Variants in ELP3 observed in about 807,000 individuals in gnomAD.
ELP3 encodes the protein elongator complex protein 3.
In ELP3, 56 loss-of-function variants were observed where a neutral mutation model predicts 74.9. The ratio of observed to expected loss-of-function variants is 0.75; its 90% CI spans 0.60 to 0.93. The LOEUF (loss-of-function observed/expected upper bound fraction) is 0.93, where lower values mean the gene tolerates loss of function less well. Among genes scored for constraint, ELP3 ranks in the 40% least tolerant of loss-of-function variants. The pLI is 0.00. For synonymous variants in ELP3, 222 were observed against 239.8 expected (o/e 0.93, Z 0.68); for missense variants, 573 against 686.5 (o/e 0.83, Z 1.85).
Position 28,127,636 on chromosome 8 carries a change from G to A in ELP3, c.618-1866G>A, listed in dbSNP as rs145446790. Among the ~76,000 whole-genome samples, 362 of 152,164 alleles carry A rather than the reference G, an allele frequency of 2.4e-3. 11 individuals are homozygous for A. The highest frequency in any genetic ancestry group is 0.021 in the Admixed American group (322 of 15,280). ...CTGTGGCATCATGTACTGTTACTGC[G>A]TGCCTTAGTACCCACCTGTTTAAGA... On this transcript the variant is annotated intron_variant, in intron 7 of 14. Coordinates refer to ENST00000256398, the MANE Select transcript of ELP3 (RefSeq NM_018091.6).
chr8:28,159,250 C>T (rs1272604487), intron 12 of ELP3, among the ~76,000 whole-genome samples: 1 of 152,198 alleles, frequency 6.6e-6, no homozygotes. Flanking sequence ...ATTTGATTCT[C>T]TTGTGGAACC....
Position 28,102,960 on chromosome 8 carries a change from A to G in ELP3, c.258+2994A>G, listed in dbSNP as rs1294612354. On this transcript the variant is annotated intron_variant, in intron 3 of 14. Transcript: ENST00000256398. ...TGAGGCAGGCAGATCAGCTGAAGCC[A>G]GGAGTTTGAGACCAGCCTGGCCAAC... is the stretch of plus-strand genomic sequence containing the variant. Among the ~76,000 whole-genome samples, 3 of 152,220 alleles carry G rather than the reference A, an allele frequency of 2.0e-5. No homozygotes were observed. The East Asian group carries it at 5.8e-4, about 29-fold the overall frequency.
intron 3 of ELP3, among the ~76,000 whole-genome samples, chr8:28,105,251 A>C (rs1019581351): frequency 6.6e-6 from 1 of 152,040 alleles, no homozygotes; most frequent in African/African-American, 2.4e-5. Context: ...TTAGCCAGGC[A>C]TGGTGGCACA....
chr8:28,143,506 A>C (rs1347681141), intron 10 of ELP3, among the ~76,000 whole-genome samples: 1 of 152,234 alleles, frequency 6.6e-6, no homozygotes, highest in Non-Finnish European at 1.5e-5. Context: ...AGTATATTTT[A>C]TACACTAGCA....
chr8:28,161,978 C>T lies in ELP3; in HGVS notation c.1486-19C>T, dbSNP rs202066517. Reference sequence around the variant, plus strand: ...TTCCTTCCTTTTTAATTCCCACTCCCCATTGTTGCTCCGTGCAGGGATTTG... The same window carrying T: ...TTCCTTCCTTTTTAATTCCCACTCCTCATTGTTGCTCCGTGCAGGGATTTG... On this transcript the variant is annotated intron_variant, in intron 13 of 14. Transcript: ENST00000256398. 19 of 1,613,156 alleles carry T rather than the reference C, an allele frequency of 1.2e-5. No individual in the cohort carries two copies. The highest frequency in any genetic ancestry group is 1.5e-5 in the Non-Finnish European group (18 of 1,179,360).
At chr8:28,110,652 G>T in intron 6 of ELP3, 1 of 436,218 alleles carries the variant, frequency 2.3e-6, no homozygotes, top group Non-Finnish European at 4.0e-6. Context: ...ATTGTTTAAG[G>T]GTTTTATATT....
intron 7 of ELP3, among the ~76,000 whole-genome samples, chr8:28,127,138 G>A (rs1039043597): frequency 6.6e-6 from 1 of 152,148 alleles, no homozygotes; most frequent in Non-Finnish European, 1.5e-5. Context: ...TGAGAATAAG[G>A]TTTCCTTCTG....
At chr8:28,100,026 T>G (rs1196643468) in intron 3 of ELP3, 60 bp downstream of exon 3, 1 of 1,609,056 alleles carries the variant, frequency 6.2e-7, no homozygotes, top group Non-Finnish European at 8.5e-7. Context: ...CAGAAGTCCC[T>G]GCTCCATGTG....
rs185172660 is a variant in ELP3 at position 28,180,996 on chromosome 8, G to A, written c.1568-8653G>A. On this transcript the variant is annotated intron_variant, in intron 14 of 14. Coordinates refer to ENST00000256398, the MANE Select transcript of ELP3 (RefSeq NM_018091.6). ...TGTTATGACTGCTTCTCTGCTTCTG[G>A]TGGCCGCAAGACACTGCCCCCACGC... Among the ~76,000 whole-genome samples the A allele has an allele frequency of 5.5e-4, 84 of 152,094 alleles. 1 individual carries two copies. The highest frequency in any genetic ancestry group is 1.5e-3 in the Admixed American group (23 of 15,272).
rs778506835 is a variant in ELP3 at position 28,161,993 on chromosome 8, G to GC, written c.1486-3dup. ...TTCCCACTCCCCATTGTTGCTCCGT[G>GC]CAGGGATTTGGCATGCTGCTGATGG... On this transcript the variant is annotated splice_polypyrimidine_tract_variant and splice_region_variant and intron_variant, in intron 13 of 14. Transcript: ENST00000256398. The GC allele has an allele frequency of 8.7e-6, 14 of 1,614,094 alleles. No individual in the cohort carries two copies. Among genetic ancestry groups the GC allele is most frequent in the Non-Finnish European group, 1.2e-5 (14 of 1,179,960 alleles).
upstream of ELP3, chr8:28,092,815 C>G (rs961614146): frequency 3.6e-5 from 7 of 191,924 alleles, no homozygotes; most frequent in Non-Finnish European, 7.5e-5. Flanking sequence ...ATGTGACGAC[C>G]CTGGGCTCCC....
chr8:28,132,389 C>G lies in ELP3; in HGVS notation c.891C>G (p.Asp297Glu). 6.2e-7 allele frequency: 1 copy of G among 1,614,082 alleles called. No homozygotes were observed. The highest frequency in any genetic ancestry group is 8.5e-7 in the Non-Finnish European group (1 of 1,179,960). The change falls in exon 9 of 15, where the codon GAC becomes GAG. Residue 297 changes from aspartate to glutamate, a missense_variant. Transcript: ENST00000256398. ...PDLPNVGLERDIEQFTEFFEN... is the reference protein window; with the variant it reads ...PDLPNVGLEREIEQFTEFFEN... ...TGCCAAACGTGGGACTAGAAAGAGA[C>G]ATTGAACAGTTCACAGTAAGTGTGA...
At chr8:28,093,626 A>C (rs968419819) in intron 1 of ELP3, 1 of 224,038 alleles carries the variant, frequency 4.5e-6, no homozygotes, top group African/African-American at 2.3e-5. Flanking sequence ...TATTAAAAAA[A>C]CCTTAATTAT....
chr8:28,176,238 T>C (rs1814746901), intron 14 of ELP3, among the ~76,000 whole-genome samples: 1 of 152,168 alleles, frequency 6.6e-6, no homozygotes, highest in South Asian at 2.1e-4. Context: ...GGATTTTTCT[T>C]AAATGTCTGG....
intron 3 of ELP3, among the ~76,000 whole-genome samples, chr8:28,101,114 T>C (rs1314581761): frequency 2.0e-5 from 3 of 152,078 alleles, no homozygotes; most frequent in Non-Finnish European, 4.4e-5. Context: ...TGTTTGTTTG[T>C]ATCTAGTGTA....
At chr8:28,091,052 G>GC (rs1445416701), upstream of ELP3, among the ~76,000 whole-genome samples, 1 of 151,838 alleles carries the variant, frequency 6.6e-6, no homozygotes, top group African/African-American at 2.4e-5. Context: ...GACTACAGGG[G>GC]CCCACCACCA....
rs190431722 is a variant in ELP3, at chr8:28,186,376, A to G, written c.1568-3273A>G. Among the ~76,000 whole-genome samples the G allele has an allele frequency of 4.6e-5, 7 of 152,356 alleles. No homozygotes were observed. The East Asian group carries it at 1.3e-3, about 29-fold the overall frequency. ...AAAATATTTCATAAGAAATATATAG[A>G]GAAGCTTTGGGACTGATTAATTCAG... On this transcript the variant is annotated intron_variant, in intron 14 of 14. Transcript: ENST00000256398.
At position 28,156,027 on chromosome 8, in the gene ELP3, A is replaced by G; in HGVS notation, c.1186A>G (p.Ile396Val). The G allele has an allele frequency of 6.2e-7, 1 of 1,613,290 alleles. No individual in the cohort carries two copies. The highest frequency in any genetic ancestry group is 8.5e-7 in the Non-Finnish European group (1 of 1,179,328). ...LALARMKDLG[I>V]QCRDVRTREV... is the part of the protein sequence containing the mutation. ...ACTTGCAAGAATGAAAGACCTCGGA[A>G]TACAGGTAAGAGCAAATATGGCGGT... Residue 396 changes from isoleucine to valine, a missense_variant, in exon 11 of 15, where the codon ATA becomes GTA. Coordinates refer to ENST00000256398, the MANE Select transcript of ELP3 (RefSeq NM_018091.6).
At chr8:28,093,101 C>A (rs1271955142), upstream of ELP3, 33 of 1,530,492 alleles carry the variant, frequency 2.2e-5, no homozygotes, top group Non-Finnish European at 1.1e-5. Context: ...CTTTACGATA[C>A]ATTGACCGAC....
Sources: gnomAD v4.1 joint callset for allele counts (sites outside exome capture counted in the v4.1 genomes callset) on GRCh38, gnomAD v4.1.1 for gene constraint, MANE v1.5 for transcripts, NCBI Gene and HGNC (gene_info 2026-07-23, HGNC 2026-07-21) for gene names.